CLEC2A: variants seen among roughly 807,000 people sequenced by gnomAD.
CLEC2A encodes the protein C-type lectin domain family 2 member A, also known as keratinocyte-associated C-type lectin.
A neutral mutation model predicts 18.6 loss-of-function variants in CLEC2A; 19 were observed. The observed-to-expected ratio is 1.02, with a 90% CI of 0.71 to 1.50. The LOEUF (loss-of-function observed/expected upper bound fraction) is 1.50, where lower values mean the gene tolerates loss of function less well. CLEC2A is among the 40% of genes most tolerant of loss of function. CLEC2A has a pLI of 0.00. For synonymous variants in CLEC2A, 74 were observed against 64.0 expected, an observed-to-expected ratio of 1.16 and a Z score of -0.75; for missense variants, 190 against 207.9, an observed-to-expected ratio of 0.91 and a Z score of 0.53.
chr12:9,912,627 T>C (rs915581938), downstream of CLEC2A, among the ~76,000 whole-genome samples: 2 of 149,904 alleles, frequency 1.3e-5, no homozygotes, highest in African/African-American at 5.0e-5. Flanking sequence ...ACAGATGTTT[T>C]AGAGGATGAG....
the CLEC2A span, among the ~76,000 whole-genome samples, chr12:9,888,496 A>T: frequency 9.2e-5 from 14 of 152,050 alleles, no homozygotes; most frequent in Non-Finnish European, 1.9e-4. Context: ...TCTCAAAAAA[A>T]AAATAAAAAT....
At chr12:9,931,110 A>G (rs1173868913) in intron 1 of CLEC2A, among the ~76,000 whole-genome samples, 1 of 152,056 alleles carries the variant, frequency 6.6e-6, no homozygotes, top group African/African-American at 2.4e-5. Context: ...CTTCCAGTAC[A>G]TGCTTCACAG....
intron 2 of CLEC2A, among the ~76,000 whole-genome samples, chr12:9,923,934 GGGGGAGT>G (rs1215938923): frequency 6.6e-6 from 1 of 151,930 alleles, no homozygotes; most frequent in African/African-American, 2.4e-5. Flanking sequence ...TGTTGGGGTT[GGGGGAGT>G]GGGGAGGGAT....
intron 3 of CLEC2A, among the ~76,000 whole-genome samples, chr12:9,918,050 CT>C: frequency 6.6e-6 from 1 of 152,042 alleles, no homozygotes; most frequent in East Asian, 1.9e-4. Context: ...TGTAGTTTGT[CT>C]GTTTACTGTG....
intron 4 of CLEC2A, among the ~76,000 whole-genome samples, chr12:9,916,436 A>T (rs1274136237): frequency 1.3e-5 from 2 of 152,176 alleles, no homozygotes; most frequent in Non-Finnish European, 2.9e-5. Flanking sequence ...ATTGTCAAGC[A>T]AGAGCTTGAT....
chr12:9,923,767 T>A (rs1046046312), intron 2 of CLEC2A, among the ~76,000 whole-genome samples: 1 of 152,178 alleles, frequency 6.6e-6, no homozygotes, highest in African/African-American at 2.4e-5. Context: ...GATGAGTTCA[T>A]GTCCTTTGTA....
intron 4 of CLEC2A, among the ~76,000 whole-genome samples, chr12:9,900,854 A>G (rs1159552291): frequency 6.6e-6 from 1 of 152,224 alleles, no homozygotes; most frequent in Non-Finnish European, 1.5e-5. Flanking sequence ...TTGGTAAAAT[A>G]AACACTTTCT....
the CLEC2A span, among the ~76,000 whole-genome samples, chr12:9,886,462 C>A: frequency 1.7e-4 from 26 of 151,796 alleles, no homozygotes; most frequent in African/African-American, 3.9e-4. Flanking sequence ...ATGGGGAGAA[C>A]CTTAGTTCAA....
intron 3 of CLEC2A, 43 bp from the exon 4 acceptor site, chr12:9,916,846 C>T: frequency 1.7e-6 from 2 of 1,151,416 alleles, no homozygotes; most frequent in Admixed American, 2.0e-5. Flanking sequence ...TAATATGTTA[C>T]AGCACATTGC....
intron 3 of CLEC2A, among the ~76,000 whole-genome samples, chr12:9,919,132 G>A (rs959452749): frequency 1.3e-5 from 2 of 152,196 alleles, no homozygotes; most frequent in Non-Finnish European, 2.9e-5. Context: ...CTTGAGTGCT[G>A]GCTATAGATT....
downstream of CLEC2A, chr12:9,895,563 T>C (rs1193447699): frequency 2.3e-5 from 19 of 828,042 alleles, no homozygotes; most frequent in Non-Finnish European, 3.2e-5. Flanking sequence ...GAAAATTCCA[T>C]TCTAAAACCT....
chr12:9,888,606 T>C, the CLEC2A span: 1 of 558,164 alleles, frequency 1.8e-6, no homozygotes, highest in Non-Finnish European at 3.2e-6. Context: ...AGTGGATGCA[T>C]AGGAGAAGAG....
intron 4 of CLEC2A, chr12:9,899,120 TAA>T (rs34475829): frequency 8.1e-3 from 3,563 of 440,968 alleles, no homozygotes; most frequent in South Asian, 0.015. Flanking sequence ...GCCCTACTAG[TAA>T]AAAAAAAAAA....
At chr12:9,886,763 C>CAA in the CLEC2A span, among the ~76,000 whole-genome samples, 1,776 of 102,930 alleles carry the variant, frequency 0.017, 35 homozygotes, top group African/African-American at 0.041. Flanking sequence ...CTATATCATG[C>CAA]AAAAAAAAAA....
intron 4 of CLEC2A, among the ~76,000 whole-genome samples, chr12:9,914,215 G>T (rs576418113): frequency 6.6e-6 from 1 of 151,274 alleles, no homozygotes; most frequent in African/African-American, 2.4e-5. Flanking sequence ...CTAAGAGACT[G>T]CTTATAGTCT....
At chr12:9,914,233 A>G (rs1842622434) in intron 4 of CLEC2A, among the ~76,000 whole-genome samples, 2 of 152,208 alleles carry the variant, frequency 1.3e-5, no homozygotes, top group Middle Eastern at 3.4e-3. Flanking sequence ...TCTTTTTTTT[A>G]CATTTTATCC....
chr12:9,924,267 G>T (rs1205074508), intron 2 of CLEC2A, among the ~76,000 whole-genome samples: 1 of 151,392 alleles, frequency 6.6e-6, no homozygotes, highest in Non-Finnish European at 1.5e-5. Context: ...GTCTTCTTTT[G>T]TCTTTCTGCT....
chr12:9,901,553 C>T (rs138282103), intron 4 of CLEC2A, among the ~76,000 whole-genome samples: 252 of 152,276 alleles, frequency 1.7e-3, no homozygotes, highest in African/African-American at 5.4e-3. Flanking sequence ...GATTGAACAA[C>T]ATTTTGGCAA....
chr12:9,890,799 C>T, the CLEC2A span, among the ~76,000 whole-genome samples: 31 of 152,152 alleles, frequency 2.0e-4, 1 homozygote, highest in East Asian at 1.3e-3. Flanking sequence ...AGGTCTTACC[C>T]ATAGTTATGA....
Sources: gnomAD v4.1 joint callset for allele counts (sites outside exome capture counted in the v4.1 genomes callset) on GRCh38, gnomAD v4.1.1 for gene constraint, MANE v1.5 for transcripts, NCBI Gene and HGNC (gene_info 2026-07-23, HGNC 2026-07-21) for gene names.